The following ANKH variants were observed in gnomAD, a reference collection of about 807,000 sequenced individuals.
The protein encoded by ANKH is mineralization regulator ANKH.
A neutral mutation model predicts 49.0 loss-of-function variants in ANKH; 15 were observed. The observed-to-expected ratio is 0.31, with a 90% CI of 0.20 to 0.47. The LOEUF (loss-of-function observed/expected upper bound fraction) is 0.47, where lower values mean the gene tolerates loss of function less well. ANKH is among the 20% of genes least tolerant of loss of function. The probability of loss-of-function intolerance (pLI) is 1.00; values close to 1 mark genes in which losing one functional copy is unlikely to be tolerated. For missense variants in ANKH, 429 were observed against 652.0 expected (o/e 0.66, Z 3.72); for synonymous variants, 273 against 260.0 (o/e 1.05, Z -0.48).
chr5:14,731,989 G>A (rs1738020112), intron 8 of ANKH, among the ~76,000 whole-genome samples: 1 of 152,168 alleles, frequency 6.6e-6, no homozygotes, highest in South Asian at 2.1e-4. Context: ...GAAGCATCAC[G>A]TGTGCCCCAC....
chr5:14,863,227 T>C (rs1735553794), intron 1 of ANKH, among the ~76,000 whole-genome samples: 1 of 152,138 alleles, frequency 6.6e-6, no homozygotes, highest in East Asian at 1.9e-4. Context: ...AAAAAAATTT[T>C]TTTTAAACCC....
At chr5:14,767,590 C>T (rs1415031526) in intron 2 of ANKH, among the ~76,000 whole-genome samples, 4 of 152,016 alleles carry the variant, frequency 2.6e-5, no homozygotes, top group African/African-American at 7.2e-5. Context: ...TGCAATAACA[C>T]GGGATGCTTA....
At chr5:14,792,352 G>A (rs938271464) in intron 1 of ANKH, among the ~76,000 whole-genome samples, 1 of 152,176 alleles carries the variant, frequency 6.6e-6, no homozygotes, top group Non-Finnish European at 1.5e-5. Context: ...ACAGAGTCAG[G>A]AAACCAACTC....
chr5:14,846,362 T>C (rs551473360), intron 1 of ANKH, among the ~76,000 whole-genome samples: 1 of 152,342 alleles, frequency 6.6e-6, no homozygotes, highest in South Asian at 2.1e-4. Context: ...TTCCTCATTA[T>C]AGAGCAGTGG....
intron 11 of ANKH, 72 bp downstream of exon 11, chr5:14,712,802 C>T (rs1737277648): frequency 1.4e-6 from 2 of 1,430,000 alleles, no homozygotes; most frequent in Admixed American, 3.9e-5. Flanking sequence ...CCAACCTGGT[C>T]AGTGGCTGCT....
Position 14,709,935 on chromosome 5 carries a change from CT to C in ANKH, c.*1261del, listed in dbSNP as rs1282123838. The C allele has an allele frequency of 1.3e-5, 2 of 152,192 alleles. No homozygotes were observed. Among genetic ancestry groups the C allele is most frequent in the African/African-American group, 4.8e-5 (2 of 41,418 alleles). 9.4% of individuals were successfully genotyped at this position (152,192 alleles called of 1,614,324 possible). A position where few individuals can be genotyped will look rare whatever the true frequency, so the allele number is the denominator to read the frequency against. On this transcript the variant is annotated 3_prime_UTR_variant, in exon 12 of 12. Coordinates refer to ENST00000284268, the MANE Select transcript of ANKH (RefSeq NM_054027.6). ...TTTAAAATATTTTTTTTTTTAGGTT[CT>C]TTCAGTCTAGGAATTCTGACTAAAT...
intron 1 of ANKH, among the ~76,000 whole-genome samples, chr5:14,778,195 T>G (rs550660195): frequency 6.6e-6 from 1 of 152,354 alleles, no homozygotes; most frequent in East Asian, 1.9e-4. Flanking sequence ...GAGGTAGCTG[T>G]GCATTCTTGC....
At chr5:14,816,173 T>G (rs1458692114) in intron 1 of ANKH, among the ~76,000 whole-genome samples, 1 of 152,222 alleles carries the variant, frequency 6.6e-6, no homozygotes, top group East Asian at 1.9e-4. Context: ...ACATTTTTCT[T>G]TAATTTGTTG....
At chr5:14,714,896 A>G (rs541861804) in intron 9 of ANKH, among the ~76,000 whole-genome samples, 64 of 152,312 alleles carry the variant, frequency 4.2e-4, no homozygotes, top group African/African-American at 1.3e-3. Flanking sequence ...TCTGGTCACT[A>G]CTGTAGAAAT....
chr5:14,794,782 G>A (rs1241238606), intron 1 of ANKH, among the ~76,000 whole-genome samples: 2 of 152,242 alleles, frequency 1.3e-5, no homozygotes, highest in African/African-American at 4.8e-5. Flanking sequence ...ATGTGGAACT[G>A]ACTAGTTGTT....
chr5:14,739,140 G>A (rs1355311800), intron 8 of ANKH, among the ~76,000 whole-genome samples: 1 of 152,182 alleles, frequency 6.6e-6, no homozygotes, highest in Non-Finnish European at 1.5e-5. Flanking sequence ...TCTCCGGCTG[G>A]GCGCAGTGGC....
chr5:14,805,132 G>A (rs1306524667), intron 1 of ANKH, among the ~76,000 whole-genome samples: 3 of 151,990 alleles, frequency 2.0e-5, no homozygotes, highest in Non-Finnish European at 2.9e-5. Flanking sequence ...TAATCTGGTG[G>A]GCACAATCTA....
rs746277360 is a variant in ANKH at position 14,758,569 on chromosome 5, T to A, written c.343A>T (p.Asn115Tyr). ...GACTCGTCCACATGGTGCAGTTTAT[T>A]GATAATGTAGTATCCTAAATCACTA... is the stretch of plus-strand genomic sequence containing the variant. ...AYSDLGYYII[N>Y]KLHHVDESVG... The change falls in exon 3 of 12, where the codon AAT becomes TAT. Residue 115 changes from asparagine (N) to tyrosine (Y), a missense_variant. Physicochemically the swap from Asn to Tyr is moderately radical, Grantham distance 143 (BLOSUM62 -2). Transcript: ENST00000284268. The A allele has an allele frequency of 5.0e-6, 8 of 1,613,992 alleles. No homozygotes were observed. The Admixed American group carries it at 1.3e-4, about 27-fold the overall frequency.
intron 1 of ANKH, among the ~76,000 whole-genome samples, chr5:14,855,653 A>T (rs1735214655): frequency 6.6e-6 from 1 of 152,160 alleles, no homozygotes; most frequent in Non-Finnish European, 1.5e-5. Context: ...GAAGGGGTCC[A>T]TGGTACATGG....
intron 1 of ANKH, among the ~76,000 whole-genome samples, chr5:14,865,026 C>A (rs978834282): frequency 6.6e-6 from 1 of 152,068 alleles, no homozygotes; most frequent in Non-Finnish European, 1.5e-5. Flanking sequence ...TTTGGGAGGC[C>A]GAGGCAGGGG....
rs1003472878 is a variant in ANKH at position 14,725,995 on chromosome 5, G to A, written c.1012-9160C>T. The stretch of plus-strand genomic sequence containing the variant: ...AACAGACCCCTGTAGATGTCTTCAC[G>A]GATATCATCAAACTTCAAATGTGAT... On this transcript the variant is annotated intron_variant, in intron 8 of 11. Coordinates refer to ENST00000284268, the MANE Select transcript of ANKH (RefSeq NM_054027.6). The surrounding 1 kb of genome is among the most constrained non-coding windows in gnomAD (Gnocchi z 4.0). Among the ~76,000 whole-genome samples, 1 of 152,136 alleles carries A rather than the reference G, an allele frequency of 6.6e-6. No homozygotes were observed. The highest frequency in any genetic ancestry group is 1.5e-5 in the Non-Finnish European group (1 of 68,024).
intron 1 of ANKH, among the ~76,000 whole-genome samples, chr5:14,866,667 CAAGTG>C (rs1735654571): frequency 6.6e-6 from 1 of 152,098 alleles, no homozygotes. Flanking sequence ...TGACAAAGAC[CAAGTG>C]ACTTCTAAAT....
intron 1 of ANKH, among the ~76,000 whole-genome samples, chr5:14,856,112 G>A (rs965668231): frequency 6.6e-6 from 1 of 151,870 alleles, no homozygotes; most frequent in African/African-American, 2.4e-5. Flanking sequence ...TTGAGCCCAG[G>A]AGTTTGAGAC....
Position 14,712,863 on chromosome 5 carries a change from G to C in ANKH, c.1365+11C>G. The C allele has an allele frequency of 6.3e-7, 1 of 1,598,340 alleles. No individual in the cohort carries two copies. The highest frequency in any genetic ancestry group is 8.5e-7 in the Non-Finnish European group (1 of 1,172,840). On this transcript the variant is annotated intron_variant, in intron 11 of 11. Transcript: ENST00000284268. ...GCACCCGGGAGGAGGCTCCCGGCGC[G>C]GCTGTCTCACCTGCTTCCGGTAGAC...
Sources: allele counts gnomAD v4.1 joint callset (sites outside exome capture counted in the v4.1 genomes callset), GRCh38; gene constraint gnomAD v4.1.1; non-coding constraint Gnocchi (gnomAD v3.1); transcripts MANE v1.5; gene names NCBI Gene and HGNC (gene_info 2026-07-23, HGNC 2026-07-21).